The following PHACTR1 variants were observed in gnomAD, a reference collection of about 807,000 sequenced individuals.
PHACTR1 encodes phosphatase and actin regulator 1.
Under a neutral mutation model 69.2 loss-of-function variants are expected in PHACTR1, and 16 were observed. The observed-to-expected ratio is 0.23, with a 90% CI of 0.16 to 0.35. The LOEUF (loss-of-function observed/expected upper bound fraction) is 0.35, where lower values mean the gene tolerates loss of function less well. Among genes scored for constraint, PHACTR1 ranks in the 10% least tolerant of loss-of-function variants. The pLI is 1.00. For missense variants in PHACTR1, 510 were observed against 734.7 expected, an observed-to-expected ratio of 0.69 and a Z score of 3.54; for synonymous variants, 312 against 284.5, an observed-to-expected ratio of 1.10 and a Z score of -0.97.
intron 4 of PHACTR1, among the ~76,000 whole-genome samples, chr6:12,795,372 A>T (rs1001153321): frequency 6.6e-6 from 1 of 152,184 alleles, no homozygotes. Flanking sequence ...GTGAATGACA[A>T]CCATTATCTT....
At chr6:12,998,035 T>C (rs1430196783) in intron 4 of PHACTR1, among the ~76,000 whole-genome samples, 2 of 152,194 alleles carry the variant, frequency 1.3e-5, no homozygotes, top group East Asian at 1.9e-4. Context: ...TCAGGACTTA[T>C]ACATAAAAAT....
chr6:12,877,417 G>A (rs1027428707), intron 4 of PHACTR1, among the ~76,000 whole-genome samples: 2 of 152,092 alleles, frequency 1.3e-5, no homozygotes, highest in African/African-American at 4.8e-5. Context: ...GCCTCTCCTG[G>A]AAGAAAATAC....
chr6:13,024,617 GC>G (rs367946294), intron 4 of PHACTR1, among the ~76,000 whole-genome samples: 17 of 152,172 alleles, frequency 1.1e-4, no homozygotes, highest in African/African-American at 4.1e-4. Context: ...TTTTTTGCCT[GC>G]CCAAAGCCTT....
In PHACTR1 at chr6:13,278,256, TA is replaced by T. The variant is rs1258566685; in HGVS notation, c.1448-11del. The T allele has an allele frequency of 7.6e-6, 12 of 1,573,174 alleles. No individual in the cohort carries two copies. In the East Asian group the frequency reaches 2.6e-4, roughly 34 times the overall value. ...TACTGAAATAAAAAAACATCTTAAA[TA>T]TTTTTTTTAGCTCGGAATGAACAAG... On this transcript the variant is annotated splice_polypyrimidine_tract_variant and intron_variant, in intron 11 of 14. Coordinates refer to ENST00000332995, the MANE Select transcript of PHACTR1 (RefSeq NM_030948.6).
chr6:13,213,054 C>G (rs772277767), intron 8 of PHACTR1, among the ~76,000 whole-genome samples: 3 of 152,068 alleles, frequency 2.0e-5, no homozygotes, highest in Non-Finnish European at 4.4e-5. Context: ...ATGGCTGTAT[C>G]CAGAGTGCCT....
intron 4 of PHACTR1, among the ~76,000 whole-genome samples, chr6:12,934,779 T>C (rs1448897813): frequency 6.6e-6 from 1 of 151,710 alleles, no homozygotes; most frequent in African/African-American, 2.4e-5. Context: ...GAGGTTGCGG[T>C]GAGCCAAGAT....
At chr6:12,772,553 C>T (rs923515111) in intron 4 of PHACTR1, among the ~76,000 whole-genome samples, 10 of 152,126 alleles carry the variant, frequency 6.6e-5, no homozygotes, top group African/African-American at 2.4e-4. Context: ...TGCACAATGG[C>T]CTTTCTCCTG....
intron 5 of PHACTR1, among the ~76,000 whole-genome samples, chr6:13,133,980 G>A (rs1330936571): frequency 2.0e-5 from 3 of 151,654 alleles, no homozygotes; most frequent in East Asian, 1.9e-4. Flanking sequence ...GCCTCTGCCC[G>A]GCCGCGACTC....
chr6:12,781,820 C>T (rs557387990), intron 4 of PHACTR1, among the ~76,000 whole-genome samples: 32 of 152,248 alleles, frequency 2.1e-4, no homozygotes, highest in African/African-American at 7.0e-4. Context: ...CACTACCAAC[C>T]GACTGCTTAT....
intron 7 of PHACTR1, among the ~76,000 whole-genome samples, chr6:13,194,653 A>C (rs1252157023): frequency 2.0e-5 from 3 of 152,202 alleles, no homozygotes; most frequent in Non-Finnish European, 4.4e-5. Flanking sequence ...AGAAGATTTT[A>C]AATGTTTTCA....
rs956448512 is a variant in PHACTR1, at chr6:12,743,429, T to C, written c.104-6215T>C. Among the ~76,000 whole-genome samples, 50 of 152,338 alleles carry C rather than the reference T, an allele frequency of 3.3e-4. 1 individual carries two copies. Among genetic ancestry groups the C allele is most frequent in the African/African-American group, 1.1e-3 (46 of 41,586 alleles). On this transcript the variant is annotated intron_variant, in intron 3 of 14. Transcript: ENST00000332995. ...ACATAGGCTTTTAAATTGGCTTTGA[T>C]GGAACTTTATTCCATAAAGAAACTC... is the stretch of plus-strand genomic sequence containing the variant.
chr6:12,868,139 C>T (rs1367079695), intron 4 of PHACTR1, among the ~76,000 whole-genome samples: 1 of 152,014 alleles, frequency 6.6e-6, no homozygotes, highest in Non-Finnish European at 1.5e-5. Flanking sequence ...TACCTATAAT[C>T]CTAGCTACTC....
In PHACTR1 at chr6:12,921,199, C is replaced by A. The variant is rs189550770; in HGVS notation, c.251-132166C>A. Among the ~76,000 whole-genome samples, 291 of 152,328 alleles carry A rather than the reference C, an allele frequency of 1.9e-3. 2 individuals carry two copies. The highest frequency in any genetic ancestry group is 6.8e-3 in the African/African-American group (281 of 41,582). ...CTCTATCCCTGCCCTGCCATGATCA[C>A]ACAACTAGAAAGAAAATGGCCAAGT... On this transcript the variant is annotated intron_variant, in intron 4 of 14. Transcript: ENST00000332995.
chr6:13,114,377 T>G (rs932059733), intron 5 of PHACTR1, among the ~76,000 whole-genome samples: 1 of 152,186 alleles, frequency 6.6e-6, no homozygotes, highest in African/African-American at 2.4e-5. Flanking sequence ...TTAGGAATAA[T>G]GGATAGTCTC....
At chr6:12,787,377 C>A (rs1431223042) in intron 4 of PHACTR1, among the ~76,000 whole-genome samples, 2 of 152,198 alleles carry the variant, frequency 1.3e-5, no homozygotes, top group African/African-American at 4.8e-5. Flanking sequence ...GAAAAATACT[C>A]CCATAGAAAA....
At chr6:13,126,188 A>G (rs764171164) in intron 5 of PHACTR1, among the ~76,000 whole-genome samples, 5 of 152,202 alleles carry the variant, frequency 3.3e-5, no homozygotes, top group African/African-American at 4.8e-5. Context: ...TGTGTAAATT[A>G]GAATTTATGT....
chr6:12,730,554 G>T (rs1455040079), intron 3 of PHACTR1, among the ~76,000 whole-genome samples: 1 of 151,662 alleles, frequency 6.6e-6, no homozygotes, highest in Non-Finnish European at 1.5e-5. Context: ...CAAAGGAAGA[G>T]GAAAAAGGGA....
At chr6:12,821,246 G>A (rs1194592236) in intron 4 of PHACTR1, among the ~76,000 whole-genome samples, 1 of 152,126 alleles carries the variant, frequency 6.6e-6, no homozygotes, top group African/African-American at 2.4e-5. Context: ...TGGATGACCT[G>A]AGGTCAGGAG....
intron 7 of PHACTR1, among the ~76,000 whole-genome samples, chr6:13,199,420 A>T (rs1412443154): frequency 1.4e-5 from 2 of 146,396 alleles, no homozygotes; most frequent in African/African-American, 5.1e-5. Context: ...AAACATTGGC[A>T]TCTTGAAAAG....
Sources: gnomAD v4.1 joint callset for allele counts (sites outside exome capture counted in the v4.1 genomes callset) on GRCh38, gnomAD v4.1.1 for gene constraint, MANE v1.5 for transcripts, NCBI Gene and HGNC (gene_info 2026-07-23, HGNC 2026-07-21) for gene names.